GREB1L: variants seen among roughly 807,000 people sequenced by gnomAD.
The protein encoded by GREB1L is GREB1 like retinoic acid receptor coactivator, also known as GREB1-like protein.
GREB1L carries 17 observed loss-of-function variants against 200.8 expected under a neutral mutation model. The ratio of observed to expected loss-of-function variants is 0.08; its 90% CI spans 0.06 to 0.13. The LOEUF is 0.13. Ranked by LOEUF, GREB1L falls within the 10% of genes least tolerant of loss-of-function variation. The probability of loss-of-function intolerance (pLI) is 1.00; values close to 1 mark genes in which losing one functional copy is unlikely to be tolerated. For synonymous variants in GREB1L, 789 were observed against 893.0 expected, an observed-to-expected ratio of 0.88 and a Z score of 2.08; for missense variants, 1,657 against 2,367.7, an observed-to-expected ratio of 0.70 and a Z score of 6.23.
chr18:21,492,716 A>G (rs981101207), intron 19 of GREB1L, among the ~76,000 whole-genome samples: 1 of 152,196 alleles, frequency 6.6e-6, no homozygotes, highest in Non-Finnish European at 1.5e-5. Context: ...GGGGGCCTCA[A>G]GTTACGACTT....
At chr18:21,306,427 A>G (rs2038701364) in intron 1 of GREB1L, among the ~76,000 whole-genome samples, 1 of 152,206 alleles carries the variant, frequency 6.6e-6, no homozygotes, top group South Asian at 2.1e-4. Flanking sequence ...ACTAGCAATC[A>G]TAGCTTTTTC....
intron 1 of GREB1L, among the ~76,000 whole-genome samples, chr18:21,331,062 T>C (rs1384137754): frequency 7.9e-5 from 12 of 152,260 alleles, no homozygotes; most frequent in Non-Finnish European, 1.8e-4. Flanking sequence ...GCGGAGTTTT[T>C]TTCTGGCTTC....
At chr18:21,473,816 T>C (rs2035580410) in intron 16 of GREB1L, among the ~76,000 whole-genome samples, 1 of 152,070 alleles carries the variant, frequency 6.6e-6, no homozygotes, top group South Asian at 2.1e-4. Context: ...GACTCACAGC[T>C]CCTCGTAGCT....
At chr18:21,439,686 A>G (rs199574902) in intron 8 of GREB1L, 49 bp downstream of exon 8, 33 of 1,148,138 alleles carry the variant, frequency 2.9e-5, no homozygotes, top group Non-Finnish European at 4.2e-5. Flanking sequence ...ACCAGTGGTT[A>G]CAAGTGCTCC....
chr18:21,284,949 A>G (rs2038330894), intron 1 of GREB1L, among the ~76,000 whole-genome samples: 1 of 151,996 alleles, frequency 6.6e-6, no homozygotes. Flanking sequence ...GCACCTTTTC[A>G]TCTGCTTATT....
At chr18:21,334,897 A>G (rs1009061193) in intron 1 of GREB1L, among the ~76,000 whole-genome samples, 1 of 152,240 alleles carries the variant, frequency 6.6e-6, no homozygotes, top group Non-Finnish European at 1.5e-5. Context: ...ACATTTGAAG[A>G]TAAAAGTTTA....
chr18:21,409,972 A>G (rs1486203091), intron 7 of GREB1L, among the ~76,000 whole-genome samples: 3 of 152,152 alleles, frequency 2.0e-5, no homozygotes, highest in Non-Finnish European at 4.4e-5. Context: ...TGTATCACCT[A>G]GTACCAGACA....
chr18:21,522,492 A>T (rs954542312), intron 32 of GREB1L, among the ~76,000 whole-genome samples, 166 bp from the exon 33 acceptor site: 1 of 152,192 alleles, frequency 6.6e-6, no homozygotes, highest in Admixed American at 6.5e-5. Flanking sequence ...AACAAAAAAA[A>T]TTACTGAATT....
At chr18:21,379,072 T>C (rs1277208832) in intron 2 of GREB1L, among the ~76,000 whole-genome samples, 1 of 152,198 alleles carries the variant, frequency 6.6e-6, no homozygotes, top group Non-Finnish European at 1.5e-5. Flanking sequence ...ATTTATCTGT[T>C]GTTTATATAT....
At chr18:21,506,153 G>A (rs553424110) in intron 25 of GREB1L, among the ~76,000 whole-genome samples, 14 of 152,212 alleles carry the variant, frequency 9.2e-5, no homozygotes, top group African/African-American at 3.4e-4. Flanking sequence ...CAGCACTGTG[G>A]GAGGCCGAGG....
chr18:21,367,303 C>T (rs1285043943), intron 2 of GREB1L, among the ~76,000 whole-genome samples: 2 of 152,280 alleles, frequency 1.3e-5, no homozygotes, highest in African/African-American at 2.4e-5. Context: ...ATGTTGGCAA[C>T]GTCTATAAGA....
At chr18:21,391,079 C>G (rs933354041) in intron 4 of GREB1L, among the ~76,000 whole-genome samples, 1 of 152,070 alleles carries the variant, frequency 6.6e-6, no homozygotes, top group African/African-American at 2.4e-5. Context: ...TTTAGTGTAG[C>G]CTAAGGGTAC....
intron 1 of GREB1L, among the ~76,000 whole-genome samples, chr18:21,282,276 A>T (rs1442522755): frequency 6.6e-6 from 1 of 151,492 alleles, no homozygotes; most frequent in Non-Finnish European, 1.5e-5. Flanking sequence ...CCCATCTCTT[A>T]AAAAAAAATT....
At chr18:21,371,981 G>A (rs2039893226) in intron 2 of GREB1L, among the ~76,000 whole-genome samples, 1 of 152,094 alleles carries the variant, frequency 6.6e-6, no homozygotes, top group African/African-American at 2.4e-5. Flanking sequence ...CTAGGAGTAG[G>A]TGGGTACAGG....
chr18:21,330,120 A>G (rs1438536397), intron 1 of GREB1L, among the ~76,000 whole-genome samples: 4 of 152,134 alleles, frequency 2.6e-5, no homozygotes, highest in Admixed American at 6.5e-5. Context: ...TCAGCTGTCA[A>G]TTGCTCTGTT....
At chr18:21,278,388 A>T (rs529923177) in intron 1 of GREB1L, among the ~76,000 whole-genome samples, 7 of 138,440 alleles carry the variant, frequency 5.1e-5, no homozygotes, top group African/African-American at 1.2e-4. Context: ...CTCAAAAAAA[A>T]AAAATAAATA....
At chr18:21,372,780 G>A (rs1025976718) in intron 2 of GREB1L, among the ~76,000 whole-genome samples, 1 of 152,100 alleles carries the variant, frequency 6.6e-6, no homozygotes, top group African/African-American at 2.4e-5. Context: ...AATTAGCTGG[G>A]CATGATGGCG....
chr18:21,496,349 C>T (rs2036543527), intron 20 of GREB1L, 105 bp from the exon 21 acceptor site: 3 of 1,282,276 alleles, frequency 2.3e-6, no homozygotes, highest in Non-Finnish European at 2.2e-6. Context: ...GGCACTGAAA[C>T]CTATGATTTT....
intron 1 of GREB1L, among the ~76,000 whole-genome samples, chr18:21,297,154 G>T (rs2038542978): frequency 6.6e-6 from 1 of 152,250 alleles, no homozygotes; most frequent in East Asian, 1.9e-4. Context: ...AACAGAATTT[G>T]CATTTTCACA....
Sources: allele counts gnomAD v4.1 joint callset (sites outside exome capture counted in the v4.1 genomes callset), GRCh38; gene constraint gnomAD v4.1.1; transcripts MANE v1.5; gene names NCBI Gene and HGNC (gene_info 2026-07-23, HGNC 2026-07-21).